The following MPP7 variants were observed in gnomAD, a reference collection of about 807,000 sequenced individuals.
The protein encoded by MPP7 is MAGUK p55 scaffold protein 7.
MPP7 carries 60 observed loss-of-function variants against 76.5 expected under a neutral mutation model. That is an observed-to-expected ratio of 0.78 (90% confidence interval 0.64 to 0.97). The LOEUF is 0.97. MPP7 is among the 50% of genes least tolerant of loss of function. The probability of loss-of-function intolerance (pLI) is 0.00; values close to 1 mark genes in which losing one functional copy is unlikely to be tolerated. For synonymous variants in MPP7, 237 were observed against 244.5 expected, an observed-to-expected ratio of 0.97 and a Z score of 0.29; for missense variants, 641 against 694.0, an observed-to-expected ratio of 0.92 and a Z score of 0.86.
intron 1 of MPP7, among the ~76,000 whole-genome samples, chr10:28,249,511 C>A (rs1046145755): frequency 8.5e-5 from 13 of 152,178 alleles, no homozygotes; most frequent in African/African-American, 1.4e-4. Context: ...ATTGCTTGAA[C>A]CTGGGAGGCA....
chr10:28,238,740 A>G lies in MPP7; in HGVS notation c.-131-5T>C, dbSNP rs1170244931. On this transcript the variant is annotated splice_polypyrimidine_tract_variant and splice_region_variant and intron_variant, in intron 1 of 16. Coordinates refer to ENST00000683449, the MANE Select transcript of MPP7 (RefSeq NM_001318170.2). Reference sequence around the variant, plus strand: ...TGTATATTTTGTAAGCCGTTTCTAGAAAGGAAAGAAACATTTATATTTTTT... The same window carrying G: ...TGTATATTTTGTAAGCCGTTTCTAGGAAGGAAAGAAACATTTATATTTTTT... The G allele has an allele frequency of 1.6e-5, 12 of 769,606 alleles. No homozygotes were observed. In the East Asian group the frequency reaches 3.0e-4, roughly 20 times the overall value. 47.7% of individuals were successfully genotyped at this position (769,606 alleles called of 1,614,324 possible).
intron 3 of MPP7, among the ~76,000 whole-genome samples, chr10:28,177,260 C>CAAAAAAAAAAAA (rs57984876): frequency 4.8e-5 from 5 of 104,162 alleles, no homozygotes; most frequent in Admixed American, 3.2e-4. Flanking sequence ...ACTAAAAATG[C>CAAAAAAAAAAAA]AAAAAAAAAA....
At position 28,089,660 on chromosome 10, in the gene MPP7, C is replaced by T. The variant is rs1853190454; in HGVS notation, c.1123+11G>A. The T allele has an allele frequency of 6.2e-7, 1 of 1,608,918 alleles. No individual in the cohort carries two copies. Among genetic ancestry groups the T allele is most frequent in the Non-Finnish European group, 8.5e-7 (1 of 1,177,686 alleles). ...ATTTCCTCAGAATTACTCACAGAAACAAGCACTTACCAACCAAGACAACGA... is the reference window on the plus strand; with the variant it reads ...ATTTCCTCAGAATTACTCACAGAAATAAGCACTTACCAACCAAGACAACGA... On this transcript the variant is annotated intron_variant, in intron 12 of 16. Coordinates refer to ENST00000683449, the MANE Select transcript of MPP7 (RefSeq NM_001318170.2).
intron 1 of MPP7, among the ~76,000 whole-genome samples, chr10:28,270,555 T>TGGGGGGGGGGGG (rs1840296119): frequency 1.3e-4 from 1 of 7,556 alleles, no homozygotes; most frequent in Non-Finnish European, 2.5e-4. Flanking sequence ...GGAGGGGAGC[T>TGGGGGGGGGGGG]GGGGAGGGGG....
intron 3 of MPP7, among the ~76,000 whole-genome samples, chr10:28,160,834 C>T (rs1226939488): frequency 6.6e-6 from 1 of 152,068 alleles, no homozygotes; most frequent in African/African-American, 2.4e-5. Context: ...TGTTACTTTT[C>T]TAAAAAACCA....
Position 28,053,826 on chromosome 10 carries a change from G to A in MPP7, c.*239C>T, listed in dbSNP as rs867134879. ...GAGATAGAGCGGTATTGAAGACAAC[G>A]AGAAGGTTTGAGGTTTTGCTTAGAA... On this transcript the variant is annotated 3_prime_UTR_variant, in exon 17 of 17. Transcript: ENST00000683449. 12 of 487,016 alleles carry A rather than the reference G, an allele frequency of 2.5e-5. No individual in the cohort carries two copies. In the Admixed American group the frequency reaches 2.8e-4, roughly 11 times the overall value. 30.2% of individuals were successfully genotyped at this position (487,016 alleles called of 1,614,324 possible). A position where few individuals can be genotyped will look rare whatever the true frequency, so the allele number is the denominator to read the frequency against.
chr10:28,174,942 G>C (rs1014375663), intron 3 of MPP7, among the ~76,000 whole-genome samples: 1 of 152,172 alleles, frequency 6.6e-6, no homozygotes, highest in South Asian at 2.1e-4. Flanking sequence ...CATATAATTT[G>C]AGCAAGAGAA....
At chr10:28,300,562 A>T (rs190140797) in intron 1 of MPP7, among the ~76,000 whole-genome samples, 1 of 152,276 alleles carries the variant, frequency 6.6e-6, no homozygotes, top group East Asian at 1.9e-4. Flanking sequence ...AGCCTTGTGT[A>T]AGAAGAGTTG....
At chr10:28,321,948 C>CGTGTGTGTGTGTGTGTGT (rs3064171) in intron 2 of MPP7, among the ~76,000 whole-genome samples, 6 of 143,366 alleles carry the variant, frequency 4.2e-5, no homozygotes, top group Non-Finnish European at 9.2e-5. Flanking sequence ...TTTTTGTAGA[C>CGTGTGTGTGTGTGTGTGT]GTGTGTGTGT....
At chr10:28,178,939 C>T (rs1385687056) in intron 3 of MPP7, among the ~76,000 whole-genome samples, 1 of 152,140 alleles carries the variant, frequency 6.6e-6, no homozygotes, top group Non-Finnish European at 1.5e-5. Context: ...TTGAAGAAAT[C>T]TCTTTAAAAG....
chr10:28,061,167 A>C (rs557856437), intron 13 of MPP7, among the ~76,000 whole-genome samples: 1 of 152,160 alleles, frequency 6.6e-6, no homozygotes, highest in Non-Finnish European at 1.5e-5. Flanking sequence ...AACAAAAAAA[A>C]ACAAAACAAA....
intron 1 of MPP7, among the ~76,000 whole-genome samples, chr10:28,262,192 T>TATATATACATATATATATATATATAC (rs1839976932): frequency 5.2e-5 from 1 of 19,106 alleles, no homozygotes; most frequent in African/African-American, 1.4e-4. Flanking sequence ...AAATTATATA[T>TATATATACATATATATATATATATAC]ATATATATAT....
chr10:28,071,303 G>A (rs544853637), intron 12 of MPP7, among the ~76,000 whole-genome samples: 1 of 152,316 alleles, frequency 6.6e-6, no homozygotes, highest in East Asian at 1.9e-4. Context: ...GGGCATCCCA[G>A]GTGGAGGGAA....
intron 8 of MPP7, 150 bp downstream of exon 8, chr10:28,123,881 A>C (rs1393164947): frequency 6.6e-6 from 4 of 606,658 alleles, no homozygotes; most frequent in Admixed American, 2.9e-5. Context: ...GAATAGATTA[A>C]GATATTTTCC....
At chr10:28,219,617 C>T (rs1838429855) in intron 2 of MPP7, among the ~76,000 whole-genome samples, 1 of 152,042 alleles carries the variant, frequency 6.6e-6, no homozygotes, top group South Asian at 2.1e-4. Context: ...ATCTAGAAGT[C>T]ATATGGAAAA....
At chr10:28,305,236 G>C (rs555164057), upstream of MPP7, among the ~76,000 whole-genome samples, 15 of 152,328 alleles carry the variant, frequency 9.8e-5, no homozygotes, top group African/African-American at 3.6e-4. Context: ...AGCCAGCATG[G>C]GTATCATGGT....
intron 3 of MPP7, among the ~76,000 whole-genome samples, chr10:28,171,622 AG>A: frequency 6.6e-6 from 1 of 152,332 alleles, no homozygotes; most frequent in South Asian, 2.1e-4. Context: ...TGTTGATAAA[AG>A]TTTATGCTTG....
chr10:28,058,629 T>C lies in MPP7; in HGVS notation c.1299-26A>G, dbSNP rs374647148. The C allele has an allele frequency of 3.4e-5, 43 of 1,258,910 alleles. No homozygotes were observed. In the Middle Eastern group the frequency reaches 6.1e-4, roughly 18 times the overall value. 78.0% of individuals were successfully genotyped at this position (1,258,910 alleles called of 1,614,324 possible). Reference sequence around the variant, plus strand: ...CTGTAAAAAATTAAATGCATTGGAATCATTTGTGAATTTAAAACAATTATA... The same window carrying C: ...CTGTAAAAAATTAAATGCATTGGAACCATTTGTGAATTTAAAACAATTATA... On this transcript the variant is annotated intron_variant, in intron 14 of 16. Coordinates refer to ENST00000683449, the MANE Select transcript of MPP7 (RefSeq NM_001318170.2).
chr10:28,327,473 G>C (rs944151355), intron 2 of MPP7, among the ~76,000 whole-genome samples: 3 of 152,050 alleles, frequency 2.0e-5, no homozygotes, highest in Non-Finnish European at 4.4e-5. Context: ...TCTTCAATTC[G>C]TGGACTAATA....
Sources: allele counts gnomAD v4.1 joint callset (sites outside exome capture counted in the v4.1 genomes callset), GRCh38; gene constraint gnomAD v4.1.1; transcripts MANE v1.5; gene names NCBI Gene and HGNC (gene_info 2026-07-23, HGNC 2026-07-21).